RNF125: variants seen among roughly 807,000 people sequenced by gnomAD.
The protein encoded by RNF125 is ring finger protein 125.
A neutral mutation model predicts 26.0 loss-of-function variants in RNF125; 21 were observed. That is an observed-to-expected ratio of 0.81 (90% CI 0.57 to 1.16). The LOEUF (loss-of-function observed/expected upper bound fraction) is 1.16, where lower values mean the gene tolerates loss of function less well. RNF125 is among the 50% of genes most tolerant of loss of function. RNF125 has a pLI of 0.00. For missense variants in RNF125, 270 were observed against 299.4 expected (o/e 0.90, Z 0.72); for synonymous variants, 95 against 109.2 (o/e 0.87, Z 0.81).
chr18:32,040,269 C>CTT (rs1185186501), intron 2 of RNF125, among the ~76,000 whole-genome samples: 3,116 of 104,440 alleles, frequency 0.03, 159 homozygotes, highest in South Asian at 0.047. Context: ...CAATTTCTTT[C>CTT]TTTTTTTTTT....
At chr18:32,050,974 C>T (rs543360049) in intron 4 of RNF125, among the ~76,000 whole-genome samples, 28 of 146,410 alleles carry the variant, frequency 1.9e-4, no homozygotes, top group African/African-American at 4.3e-4. Flanking sequence ...CTGCTCTCCT[C>T]GGCCCCGCAA....
chr18:32,085,839 T>G, the RNF125 span, among the ~76,000 whole-genome samples: 1 of 145,472 alleles, frequency 6.9e-6, no homozygotes, highest in Admixed American at 6.7e-5. Context: ...GGAAACAGTT[T>G]ATAAGAGTCA....
chr18:32,081,624 T>G, the RNF125 span, among the ~76,000 whole-genome samples: 1 of 152,028 alleles, frequency 6.6e-6, no homozygotes, highest in Non-Finnish European at 1.5e-5. Flanking sequence ...AAGCCATACC[T>G]CCAAAAAGAG....
At chr18:32,088,768 G>A in the RNF125 span, among the ~76,000 whole-genome samples, 3 of 152,166 alleles carry the variant, frequency 2.0e-5, no homozygotes, top group African/African-American at 7.2e-5. Context: ...CCAGAGTGCT[G>A]GGATTAGGAG....
chr18:32,051,970 G>A (rs1405996423), intron 4 of RNF125, among the ~76,000 whole-genome samples: 6 of 151,844 alleles, frequency 4.0e-5, no homozygotes, highest in Non-Finnish European at 5.9e-5. Flanking sequence ...TTACAGGCGT[G>A]AGCCACCACG....
At chr18:32,026,661 GT>G (rs1287361600) in intron 1 of RNF125, among the ~76,000 whole-genome samples, 5 of 152,206 alleles carry the variant, frequency 3.3e-5, no homozygotes, top group Non-Finnish European at 5.9e-5. Context: ...CACCTGTTTG[GT>G]TCCCAGCTGT....
At chr18:32,084,782 G>C in the RNF125 span, among the ~76,000 whole-genome samples, 2 of 151,966 alleles carry the variant, frequency 1.3e-5, no homozygotes, top group East Asian at 1.9e-4. Flanking sequence ...GGGTCACCGG[G>C]GCTACTCATA....
intron 2 of RNF125, among the ~76,000 whole-genome samples, chr18:32,041,423 C>T (rs980769529): frequency 1.3e-5 from 2 of 151,960 alleles, no homozygotes; most frequent in African/African-American, 2.4e-5. Flanking sequence ...TAAAATGTAT[C>T]CATTTATTCT....
At position 32,064,829 on chromosome 18, in the gene RNF125, G is replaced by A. The variant is rs565642210; in HGVS notation, c.505-1073G>A. 5.9e-5 allele frequency among the ~76,000 whole-genome samples: 9 copies of A among 152,112 alleles called. No homozygotes were observed. In the South Asian group the frequency reaches 1.7e-3, roughly 28 times the overall value. On this transcript the variant is annotated intron_variant, in intron 4 of 5. Coordinates refer to ENST00000217740, the MANE Select transcript of RNF125 (RefSeq NM_017831.4). ...GAGTGAGCCACCGCTCCTGGCCAAC[G>A]TTCATAATTGTTGACCTGGTAATTG...
At chr18:32,053,386 A>G (rs1198027390) in intron 4 of RNF125, among the ~76,000 whole-genome samples, 4 of 151,960 alleles carry the variant, frequency 2.6e-5, no homozygotes, top group Non-Finnish European at 5.9e-5. Flanking sequence ...AAGAAAGAAC[A>G]TATATGTCAT....
chr18:32,041,641 TTTTTTTTGA>T (rs1568198859), intron 2 of RNF125, among the ~76,000 whole-genome samples: 1 of 134,512 alleles, frequency 7.4e-6, no homozygotes, highest in African/African-American at 2.8e-5. Context: ...TTTTTTTTTT[TTTTTTTTGA>T]GACGGAGTCT....
chr18:32,033,690 A>G (rs1182777854), intron 1 of RNF125, among the ~76,000 whole-genome samples: 1 of 151,826 alleles, frequency 6.6e-6, no homozygotes, highest in East Asian at 1.9e-4. Context: ...GTGGTGGCGC[A>G]TGCCTGTAAT....
At position 32,068,658 on chromosome 18, in the gene RNF125, A is replaced by G; in HGVS notation, c.*274A>G. 3.0e-6 allele frequency: 1 copy of G among 334,774 alleles called. No individual in the cohort carries two copies. The highest frequency in any genetic ancestry group is 5.5e-6 in the Non-Finnish European group (1 of 180,328). 20.7% of individuals were successfully genotyped at this position (334,774 alleles called of 1,614,324 possible). A position where few individuals can be genotyped will look rare whatever the true frequency, so the allele number is the denominator to read the frequency against. ...TGGAAAAGACAGGTGGTAGGCAAGTAGGTGGAGGATCTCGGTTTGCAAATT... is the reference window on the plus strand; with the variant it reads ...TGGAAAAGACAGGTGGTAGGCAAGTGGGTGGAGGATCTCGGTTTGCAAATT... On this transcript the variant is annotated 3_prime_UTR_variant, in exon 6 of 6. Coordinates refer to ENST00000217740, the MANE Select transcript of RNF125 (RefSeq NM_017831.4).
At chr18:32,028,564 TG>T (rs895751975) in intron 1 of RNF125, among the ~76,000 whole-genome samples, 1 of 147,308 alleles carries the variant, frequency 6.8e-6, no homozygotes, top group African/African-American at 2.5e-5. Context: ...TAATTATTTT[TG>T]GGGGTAAAAT....
chr18:32,039,916 A>C (rs1244889926), intron 2 of RNF125, among the ~76,000 whole-genome samples: 1 of 151,678 alleles, frequency 6.6e-6, no homozygotes, highest in Non-Finnish European at 1.5e-5. Flanking sequence ...AGTAGCTGGG[A>C]CTACAGGCAT....
At chr18:32,087,778 C>A in the RNF125 span, among the ~76,000 whole-genome samples, 3 of 152,132 alleles carry the variant, frequency 2.0e-5, no homozygotes, top group Admixed American at 6.5e-5. Flanking sequence ...TGGTCTTAAT[C>A]ATAAATCCTG....
intron 4 of RNF125, among the ~76,000 whole-genome samples, chr18:32,052,357 G>A (rs1034404887): frequency 4.0e-5 from 6 of 151,836 alleles, no homozygotes; most frequent in Non-Finnish European, 8.8e-5. Context: ...GCCAGGCACG[G>A]TGGCGCGCGT....
intron 4 of RNF125, among the ~76,000 whole-genome samples, chr18:32,054,537 T>A (rs1280208054): frequency 6.6e-6 from 1 of 152,210 alleles, no homozygotes; most frequent in African/African-American, 2.4e-5. Flanking sequence ...TGGTGAGAAC[T>A]CCTCTGGGGA....
At chr18:32,025,693 A>G (rs1208436697) in intron 1 of RNF125, among the ~76,000 whole-genome samples, 1 of 147,816 alleles carries the variant, frequency 6.8e-6, no homozygotes, top group Non-Finnish European at 1.5e-5. Context: ...AAAAAAGAAG[A>G]CAGAGGACCC....
Sources: gnomAD v4.1 joint callset for allele counts (sites outside exome capture counted in the v4.1 genomes callset) on GRCh38, gnomAD v4.1.1 for gene constraint, MANE v1.5 for transcripts, NCBI Gene and HGNC (gene_info 2026-07-23, HGNC 2026-07-21) for gene names.